ADAM19: variants seen among roughly 807,000 people sequenced by gnomAD.
ADAM19 encodes disintegrin and metalloproteinase domain-containing protein 19.
Under a neutral mutation model 114.7 loss-of-function variants are expected in ADAM19, and 65 were observed. That is an observed-to-expected ratio of 0.57 (90% CI 0.46 to 0.70). The LOEUF (loss-of-function observed/expected upper bound fraction) is 0.70. Ranked by LOEUF, ADAM19 falls within the 30% of genes least tolerant of loss-of-function variation. The probability of loss-of-function intolerance (pLI) is 0.00; values close to 1 mark genes in which losing one functional copy is unlikely to be tolerated. For missense variants in ADAM19, 1,063 were observed against 1,204.7 expected (o/e 0.88, Z 1.74); for synonymous variants, 466 against 460.5 (o/e 1.01, Z -0.15).
chr5:157,526,385 T>C (rs1756461051), intron 5 of ADAM19, among the ~76,000 whole-genome samples: 1 of 152,172 alleles, frequency 6.6e-6, no homozygotes, highest in Admixed American at 6.5e-5. Context: ...TATATAATGA[T>C]AATTTTTAAC....
chr5:157,518,679 C>G (rs1178215757), intron 7 of ADAM19, 144 bp downstream of exon 7: 1 of 801,972 alleles, frequency 1.2e-6, no homozygotes, highest in Admixed American at 2.0e-5. Flanking sequence ...CCGCCGCGCC[C>G]AGCCTTTGGT....
chr5:157,499,684 T>G, intron 12 of ADAM19, 22 bp from the exon 13 acceptor site: 1 of 1,556,392 alleles, frequency 6.4e-7, no homozygotes, highest in Non-Finnish European at 8.8e-7. Context: ...GTGGGGTGGG[T>G]GTGAGTGGGG....
chr5:157,546,285 A>G (rs973860113), intron 3 of ADAM19, among the ~76,000 whole-genome samples: 1 of 152,222 alleles, frequency 6.6e-6, no homozygotes, highest in African/African-American at 2.4e-5. Flanking sequence ...CTACACAGTT[A>G]TGGAGAAGGG....
chr5:157,552,241 T>C (rs983021458), intron 3 of ADAM19, among the ~76,000 whole-genome samples: 3 of 152,120 alleles, frequency 2.0e-5, no homozygotes, highest in Non-Finnish European at 2.9e-5. Flanking sequence ...CTGGTGAGGA[T>C]GTGGGGAAAA....
rs752682397 is a variant in ADAM19 at position 157,480,186 on chromosome 5, G to C, written c.*763C>G. ...TGGGGCACCAGGAAAGTGCGGCAGAGAAAACAAAGAGCAACTAAAAATTAT... is the reference window on the plus strand; with the variant it reads ...TGGGGCACCAGGAAAGTGCGGCAGACAAAACAAAGAGCAACTAAAAATTAT... On this transcript the variant is annotated 3_prime_UTR_variant, in exon 23 of 23. Coordinates refer to ENST00000257527, the MANE Select transcript of ADAM19 (RefSeq NM_033274.5). The C allele has an allele frequency of 2.0e-6, 2 of 986,034 alleles. No homozygotes were observed. Among genetic ancestry groups the C allele is most frequent in the Admixed American group, 6.1e-5 (1 of 16,264 alleles). The allele number at this position is 986,034 out of a possible 1,614,324, so 61.1% of individuals were successfully genotyped here.
intron 7 of ADAM19, among the ~76,000 whole-genome samples, chr5:157,516,135 C>T (rs1756083960): frequency 6.6e-6 from 1 of 152,162 alleles, no homozygotes; most frequent in African/African-American, 2.4e-5. Flanking sequence ...TTTCTGTCTG[C>T]AGAGGATGGA....
At chr5:157,519,730 T>C in intron 6 of ADAM19, 109 bp downstream of exon 6, 4 of 1,036,774 alleles carry the variant, frequency 3.9e-6, no homozygotes. Context: ...TTCCTTTTTC[T>C]TAGGCATCAC....
intron 1 of ADAM19, chr5:157,572,207 T>G (rs545620387): frequency 4.5e-6 from 2 of 440,594 alleles, no homozygotes; most frequent in Non-Finnish European, 9.1e-6. Flanking sequence ...TGCCTCAGCC[T>G]CCCGAGTAGC....
chr5:157,571,090 C>T (rs1208698476), intron 1 of ADAM19, 110 bp from the exon 2 acceptor site: 2 of 881,504 alleles, frequency 2.3e-6, no homozygotes, highest in South Asian at 1.6e-5. Context: ...AGAAGACTTG[C>T]TGGATTTCAG....
intron 12 of ADAM19, among the ~76,000 whole-genome samples, chr5:157,500,778 A>G (rs1407146714): frequency 6.6e-6 from 1 of 152,174 alleles, no homozygotes; most frequent in African/African-American, 2.4e-5. Context: ...TTTTTAAAAG[A>G]TTATGAGGCG....
In ADAM19 at chr5:157,479,137, C is replaced by T; in HGVS notation, c.*1812G>A. The T allele has an allele frequency of 3.0e-6, 3 of 985,858 alleles. No individual in the cohort carries two copies. The highest frequency in any genetic ancestry group is 2.4e-6 in the Non-Finnish European group (2 of 829,968). The allele number at this position is 985,858 out of a possible 1,614,324, so 61.1% of individuals were successfully genotyped here. A position where few individuals can be genotyped will look rare whatever the true frequency, so the allele number is the denominator to read the frequency against. On this transcript the variant is annotated 3_prime_UTR_variant, in exon 23 of 23. Coordinates refer to ENST00000257527, the MANE Select transcript of ADAM19 (RefSeq NM_033274.5). The stretch of plus-strand genomic sequence containing the variant: ...AGGATGACCCACAGCAAGGATGACC[C>T]ACGGCAAGGACATGGGGAACCTGTA...
At position 157,479,466 on chromosome 5, in the gene ADAM19, A is replaced by T; in HGVS notation, c.*1483T>A. 1 of 985,932 alleles carries T rather than the reference A, an allele frequency of 1.0e-6. No homozygotes were observed. The highest frequency in any genetic ancestry group is 1.2e-6 in the Non-Finnish European group (1 of 830,002). The allele number at this position is 985,932 out of a possible 1,614,324, so 61.1% of individuals were successfully genotyped here. On this transcript the variant is annotated 3_prime_UTR_variant, in exon 23 of 23. Transcript: ENST00000257527. Reference sequence around the variant, plus strand: ...CCAGCTCCTGTCCGGAGAGCCACCCAGCACCTTTGTGGAGTGGGAGTCTAT... The same window carrying T: ...CCAGCTCCTGTCCGGAGAGCCACCCTGCACCTTTGTGGAGTGGGAGTCTAT...
At chr5:157,545,251 C>T (rs1478441597) in intron 3 of ADAM19, among the ~76,000 whole-genome samples, 4 of 152,222 alleles carry the variant, frequency 2.6e-5, no homozygotes, top group Non-Finnish European at 1.5e-5. Flanking sequence ...TTGTCAGAGC[C>T]TGCCCAGCAT....
chr5:157,478,962 G>T lies in ADAM19; in HGVS notation c.*1987C>A. Reference sequence around the variant, plus strand: ...GAAGCTCTGTGAGGCATGGGGTTGGGTTTTGAGGATGTTGCTTGTTTGTTT... The same window carrying T: ...GAAGCTCTGTGAGGCATGGGGTTGGTTTTTGAGGATGTTGCTTGTTTGTTT... On this transcript the variant is annotated 3_prime_UTR_variant, in exon 23 of 23. Transcript: ENST00000257527. The T allele has an allele frequency of 1.0e-6, 1 of 985,660 alleles. No individual in the cohort carries two copies. The highest frequency in any genetic ancestry group is 1.7e-5 in the African/African-American group (1 of 57,344). 61.1% of individuals were successfully genotyped at this position (985,660 alleles called of 1,614,324 possible).
chr5:157,480,186 G>A lies in ADAM19; in HGVS notation c.*763C>T, dbSNP rs752682397. 15 of 986,034 alleles carry A rather than the reference G, an allele frequency of 1.5e-5. No homozygotes were observed. Among genetic ancestry groups the A allele is most frequent in the African/African-American group, 1.7e-5 (1 of 57,228 alleles). The allele number at this position is 986,034 out of a possible 1,614,324, so 61.1% of individuals were successfully genotyped here. ...TGGGGCACCAGGAAAGTGCGGCAGA[G>A]AAAACAAAGAGCAACTAAAAATTAT... On this transcript the variant is annotated 3_prime_UTR_variant, in exon 23 of 23. Transcript: ENST00000257527.
At chr5:157,510,398 C>T (rs1007041089) in intron 8 of ADAM19, among the ~76,000 whole-genome samples, 19 of 152,270 alleles carry the variant, frequency 1.2e-4, no homozygotes, top group Admixed American at 2.0e-4. Flanking sequence ...CACTTGAACC[C>T]GGGAGGCAGG....
chr5:157,478,037 A>G lies in ADAM19; in HGVS notation c.*2912T>C, dbSNP rs1018211841. 6 of 222,866 alleles carry G rather than the reference A, an allele frequency of 2.7e-5. No individual in the cohort carries two copies. The South Asian group carries it at 3.8e-4, about 14-fold the overall frequency. 13.8% of individuals were successfully genotyped at this position (222,866 alleles called of 1,614,324 possible). ...TGCCCAGGCTAAGGCTTCTAGAGAC[A>G]GGGAGACAGGGCACTAAATCCCTTG... is the stretch of plus-strand genomic sequence containing the variant. On this transcript the variant is annotated 3_prime_UTR_variant, in exon 23 of 23. Coordinates refer to ENST00000257527, the MANE Select transcript of ADAM19 (RefSeq NM_033274.5).
chr5:157,552,809 T>C (rs1757241041), intron 3 of ADAM19, among the ~76,000 whole-genome samples: 1 of 150,926 alleles, frequency 6.6e-6, no homozygotes, highest in South Asian at 2.1e-4. Flanking sequence ...GATGAATGGA[T>C]AAAGAAAATG....
intron 3 of ADAM19, among the ~76,000 whole-genome samples, chr5:157,539,161 A>C (rs954961696): frequency 6.6e-6 from 1 of 152,082 alleles, no homozygotes; most frequent in Non-Finnish European, 1.5e-5. Flanking sequence ...CTCAAAAAAA[A>C]AAAAAAAAAG....
Sources: gnomAD v4.1 joint callset for allele counts (sites outside exome capture counted in the v4.1 genomes callset) on GRCh38, gnomAD v4.1.1 for gene constraint, MANE v1.5 for transcripts, NCBI Gene and HGNC (gene_info 2026-07-23, HGNC 2026-07-21) for gene names.